The following LMX1A variants were observed in gnomAD, a reference collection of about 807,000 sequenced individuals.
LMX1A encodes the protein LIM homeobox transcription factor 1-alpha.
LMX1A carries 15 observed loss-of-function variants against 49.1 expected under a neutral mutation model. The observed-to-expected ratio is 0.31, with a 90% CI of 0.20 to 0.47. LMX1A has a LOEUF of 0.47. LMX1A is among the 20% of genes least tolerant of loss of function. The pLI is 1.00. For missense variants in LMX1A, 372 were observed against 475.8 expected, an observed-to-expected ratio of 0.78 and a Z score of 2.03; for synonymous variants, 167 against 185.7, an observed-to-expected ratio of 0.90 and a Z score of 0.82.
intron 3 of LMX1A, among the ~76,000 whole-genome samples, chr1:165,312,044 A>T (rs973470608): frequency 6.6e-6 from 1 of 152,180 alleles, no homozygotes; most frequent in Non-Finnish European, 1.5e-5. Context: ...TTCTTTATTC[A>T]ACTCTGACAA....
chr1:165,334,244 A>T (rs1179071528), intron 3 of LMX1A, among the ~76,000 whole-genome samples: 10 of 152,172 alleles, frequency 6.6e-5, no homozygotes, highest in Non-Finnish European at 1.3e-4. Flanking sequence ...AGATCAACTA[A>T]CCAGCCTGCA....
chr1:165,290,441 CGTGT>C lies in LMX1A; in HGVS notation c.264-40805_264-40802del, dbSNP rs34305063. 5.2e-4 allele frequency among the ~76,000 whole-genome samples: 78 copies of C among 149,966 alleles called. 1 individual carries two copies. Among genetic ancestry groups the C allele is most frequent in the African/African-American group, 1.8e-3 (72 of 40,914 alleles). On this transcript the variant is annotated intron_variant, in intron 3 of 8. Coordinates refer to ENST00000342310, the MANE Select transcript of LMX1A (RefSeq NM_177398.4). ...TCTCTGCCTGTCTTCACATTGCCTT[CGTGT>C]GTGTGTGTGTGTGTGTGTGTTTGTA...
chr1:165,324,501 CT>C (rs1033431536), intron 3 of LMX1A, among the ~76,000 whole-genome samples: 2 of 152,120 alleles, frequency 1.3e-5, no homozygotes, highest in African/African-American at 4.8e-5. Flanking sequence ...CAGAGCAATC[CT>C]TGTGTCAATG....
At chr1:165,333,501 A>C (rs1655810808) in intron 3 of LMX1A, among the ~76,000 whole-genome samples, 2 of 152,060 alleles carry the variant, frequency 1.3e-5, no homozygotes, top group Non-Finnish European at 1.5e-5. Context: ...TCAAGGATTC[A>C]CTCAAGGCCA....
chr1:165,281,305 C>G (rs1049327888), intron 3 of LMX1A, among the ~76,000 whole-genome samples: 1 of 152,216 alleles, frequency 6.6e-6, no homozygotes, highest in African/African-American at 2.4e-5. Context: ...AAATCCTGGT[C>G]TCCCACTGAA....
intron 4 of LMX1A, among the ~76,000 whole-genome samples, chr1:165,224,178 C>T (rs1651954776): frequency 1.3e-5 from 2 of 152,164 alleles, no homozygotes; most frequent in African/African-American, 2.4e-5. Flanking sequence ...TTCTTCTCCA[C>T]CATGTAAGAT....
In LMX1A at chr1:165,326,270, G is replaced by A. The variant is rs573565092; in HGVS notation, c.263+26806C>T. 1.5e-4 allele frequency among the ~76,000 whole-genome samples: 23 copies of A among 152,266 alleles called. 1 individual carries two copies. The South Asian group carries it at 1.9e-3, about 12-fold the overall frequency. On this transcript the variant is annotated intron_variant, in intron 3 of 8. Coordinates refer to ENST00000342310, the MANE Select transcript of LMX1A (RefSeq NM_177398.4). Reference sequence around the variant, plus strand: ...ACATGCCTGAGCTGTCACTGAGTCCGATTTCCATATGATGGCTTCTGAGGA... The same window carrying A: ...ACATGCCTGAGCTGTCACTGAGTCCAATTTCCATATGATGGCTTCTGAGGA...
chr1:165,229,049 G>T (rs569371629), intron 4 of LMX1A, among the ~76,000 whole-genome samples: 16 of 152,010 alleles, frequency 1.1e-4, no homozygotes, highest in Non-Finnish European at 2.2e-4. Flanking sequence ...TGTTCTGAAA[G>T]TGATCTATCA....
chr1:165,298,776 T>C (rs1418940946), intron 3 of LMX1A, among the ~76,000 whole-genome samples: 2 of 152,168 alleles, frequency 1.3e-5, no homozygotes, highest in African/African-American at 4.8e-5. Context: ...ATTTAGCAAA[T>C]TACCCTACAG....
chr1:165,259,332 C>T (rs557815517), intron 3 of LMX1A, among the ~76,000 whole-genome samples: 64 of 152,310 alleles, frequency 4.2e-4, no homozygotes, highest in African/African-American at 1.3e-3. Flanking sequence ...ACACTGGCCA[C>T]GAGTGTTGAC....
intron 3 of LMX1A, among the ~76,000 whole-genome samples, chr1:165,303,216 C>A (rs1173618667): frequency 6.6e-6 from 1 of 152,190 alleles, no homozygotes; most frequent in Non-Finnish European, 1.5e-5. Context: ...AATTACCACA[C>A]AAAACAGTCA....
intron 3 of LMX1A, among the ~76,000 whole-genome samples, chr1:165,264,945 T>C (rs750065916): frequency 6.6e-6 from 1 of 152,066 alleles, no homozygotes; most frequent in Non-Finnish European, 1.5e-5. Flanking sequence ...GGCTCACACC[T>C]GTAATCCCAG....
At chr1:165,316,604 C>T (rs375394644) in intron 3 of LMX1A, among the ~76,000 whole-genome samples, 18 of 152,212 alleles carry the variant, frequency 1.2e-4, no homozygotes, top group African/African-American at 4.1e-4. Flanking sequence ...CTGAGACATA[C>T]GCACAAGTGC....
intron 4 of LMX1A, among the ~76,000 whole-genome samples, chr1:165,227,410 A>G (rs1486174254): frequency 6.6e-6 from 1 of 152,142 alleles, no homozygotes; most frequent in East Asian, 1.9e-4. Context: ...GTATGTTGGC[A>G]CACACCTGTA....
chr1:165,246,116 G>A (rs895111852), intron 4 of LMX1A, among the ~76,000 whole-genome samples: 1 of 152,144 alleles, frequency 6.6e-6, no homozygotes, highest in African/African-American at 2.4e-5. Context: ...TGTTAACAAT[G>A]AGATGGACTT....
chr1:165,233,296 A>G (rs75861118), intron 4 of LMX1A, among the ~76,000 whole-genome samples: 2 of 149,126 alleles, frequency 1.3e-5, no homozygotes, highest in African/African-American at 4.8e-5. Flanking sequence ...ATCTACAAAA[A>G]ATTTAAAAAT....
chr1:165,339,565 A>G (rs1159030593), intron 3 of LMX1A, among the ~76,000 whole-genome samples: 2 of 152,228 alleles, frequency 1.3e-5, no homozygotes, highest in Non-Finnish European at 2.9e-5. Context: ...GCCTCGCTCT[A>G]CTGCCATTCC....
At chr1:165,228,314 T>G (rs892071620) in intron 4 of LMX1A, among the ~76,000 whole-genome samples, 1 of 152,170 alleles carries the variant, frequency 6.6e-6, no homozygotes. Context: ...CCTGCAGCAG[T>G]TACATCATTT....
chr1:165,235,565 G>C (rs1343046832), intron 4 of LMX1A, among the ~76,000 whole-genome samples: 8 of 152,120 alleles, frequency 5.3e-5, no homozygotes, highest in African/African-American at 1.4e-4. Flanking sequence ...GGCGCGGCGC[G>C]GGGAGCGCAG....
Sources: gnomAD v4.1 joint callset for allele counts (sites outside exome capture counted in the v4.1 genomes callset) on GRCh38, gnomAD v4.1.1 for gene constraint, MANE v1.5 for transcripts, NCBI Gene and HGNC (gene_info 2026-07-23, HGNC 2026-07-21) for gene names.